Variants in KCNH1 observed in about 807,000 individuals in gnomAD.
KCNH1 encodes the protein voltage-gated delayed rectifier potassium channel KCNH1.
KCNH1 carries 27 observed loss-of-function variants against 69.2 expected under a neutral mutation model. That is an observed-to-expected ratio of 0.39 (90% CI 0.29 to 0.54). The LOEUF (loss-of-function observed/expected upper bound fraction) is 0.54, where lower values mean the gene tolerates loss of function less well. KCNH1 is among the 20% of genes least tolerant of loss of function. The probability of loss-of-function intolerance (pLI) is 0.68; values close to 1 mark genes in which losing one functional copy is unlikely to be tolerated. For synonymous variants in KCNH1, 456 were observed against 487.7 expected (o/e 0.93, Z 0.86); for missense variants, 798 against 1,261.6 (o/e 0.63, Z 5.57).
intron 7 of KCNH1, among the ~76,000 whole-genome samples, chr1:210,897,924 CTG>C (rs1686906027): frequency 2.0e-5 from 3 of 152,202 alleles, no homozygotes; most frequent in Non-Finnish European, 4.4e-5. Context: ...GCTAGGAAGA[CTG>C]TTGAGATGGC....
chr1:210,689,784 A>G (rs115852242), intron 10 of KCNH1, among the ~76,000 whole-genome samples: 2,035 of 152,310 alleles, frequency 0.013, 54 homozygotes, highest in African/African-American at 0.046. Context: ...AAATCTGGCT[A>G]CACGTCAGAA....
intron 5 of KCNH1, among the ~76,000 whole-genome samples, chr1:211,061,931 C>T (rs2102450414): frequency 6.6e-6 from 1 of 152,240 alleles, no homozygotes; most frequent in African/African-American, 2.4e-5. Context: ...TATTAAAATA[C>T]TAATGGCATG....
intron 5 of KCNH1, among the ~76,000 whole-genome samples, chr1:211,065,812 A>G (rs1199814072): frequency 6.6e-6 from 1 of 152,102 alleles, no homozygotes; most frequent in Non-Finnish European, 1.5e-5. Flanking sequence ...GTATTCCCAG[A>G]ACTTTAGGAG....
Position 211,107,153 on chromosome 1 carries a change from C to T in KCNH1, c.203+101G>A. On this transcript the variant is annotated intron_variant, in intron 2 of 10. Transcript: ENST00000271751. ...CAATAAATTTTCCTGTGAATACACACTAAATGAGGTAAAGGCAATTCCCGA... is the reference window on the plus strand; with the variant it reads ...CAATAAATTTTCCTGTGAATACACATTAAATGAGGTAAAGGCAATTCCCGA... The T allele has an allele frequency of 4.5e-6, 6 of 1,326,882 alleles. 1 individual carries two copies. The South Asian group carries it at 7.6e-5, about 17-fold the overall frequency. The allele number at this position is 1,326,882 out of a possible 1,614,324, so 82.2% of individuals were successfully genotyped here. A position where few individuals can be genotyped will look rare whatever the true frequency, so the allele number is the denominator to read the frequency against.
intron 1 of KCNH1, chr1:211,108,645 T>A (rs1691404418): frequency 6.6e-6 from 1 of 152,150 alleles, no homozygotes; most frequent in African/African-American, 2.4e-5. Flanking sequence ...AGATAAGGGT[T>A]GTGGTGAGCC....
Position 211,085,690 on chromosome 1 carries a change from G to T in KCNH1, c.440-2792C>A, listed in dbSNP as rs560822742. On this transcript the variant is annotated intron_variant, in intron 4 of 10. Coordinates refer to ENST00000271751, the MANE Select transcript of KCNH1 (RefSeq NM_172362.3). ...TGAGTTTCTGGTTTGGATGACGACT[G>T]GGGTGACAGCTAATCAATGAGATTA... Among the ~76,000 whole-genome samples, 36 of 152,288 alleles carry T rather than the reference G, an allele frequency of 2.4e-4. No individual in the cohort carries two copies. In the South Asian group the frequency reaches 7.3e-3, roughly 31 times the overall value.
At position 210,678,942 on chromosome 1, in the gene KCNH1, G is replaced by C. The variant is rs933632885; in HGVS notation, c.*4339C>G. ...AGTCTGGCACCTGCAGGGAATTCAA[G>C]TCCAGTTCTAGAGGTTCCAGAATAA... On this transcript the variant is annotated 3_prime_UTR_variant, in exon 11 of 11. Transcript: ENST00000271751. 3 of 152,336 alleles carry C rather than the reference G, an allele frequency of 2.0e-5. No homozygotes were observed. Among genetic ancestry groups the C allele is most frequent in the East Asian group, 1.9e-4 (1 of 5,188 alleles). 9.4% of individuals were successfully genotyped at this position (152,336 alleles called of 1,614,324 possible). A position where few individuals can be genotyped will look rare whatever the true frequency, so the allele number is the denominator to read the frequency against.
chr1:210,749,990 A>G (rs370745369), intron 10 of KCNH1, among the ~76,000 whole-genome samples: 1 of 152,038 alleles, frequency 6.6e-6, no homozygotes, highest in African/African-American at 2.4e-5. Context: ...TGATCTGCCC[A>G]CCTCCGTCTC....
intron 5 of KCNH1, among the ~76,000 whole-genome samples, chr1:211,047,674 AGT>A (rs561636026): frequency 3.3e-5 from 5 of 151,972 alleles, no homozygotes; most frequent in Admixed American, 2.6e-4. Context: ...GATACAAGTG[AGT>A]GTGTGTGTGT....
chr1:211,119,883 C>T (rs1691656538), intron 1 of KCNH1, among the ~76,000 whole-genome samples: 1 of 152,176 alleles, frequency 6.6e-6, no homozygotes, highest in Admixed American at 6.5e-5. Flanking sequence ...CAAAAGCAAA[C>T]TCAAATACCT....
At chr1:210,784,088 G>A (rs1478812338) in intron 9 of KCNH1, among the ~76,000 whole-genome samples, 1 of 152,210 alleles carries the variant, frequency 6.6e-6, no homozygotes, top group Non-Finnish European at 1.5e-5. Flanking sequence ...CTGTGGACCA[G>A]AAAGCAAGAA....
At chr1:210,984,102 T>A (rs1057219183) in intron 6 of KCNH1, among the ~76,000 whole-genome samples, 15 of 152,218 alleles carry the variant, frequency 9.9e-5, no homozygotes, top group African/African-American at 3.1e-4. Context: ...AGAATGCTTG[T>A]GATTTTTGCA....
At chr1:211,061,144 G>A (rs1030339273) in intron 5 of KCNH1, among the ~76,000 whole-genome samples, 3 of 152,096 alleles carry the variant, frequency 2.0e-5, no homozygotes, top group Non-Finnish European at 4.4e-5. Context: ...GGGATGCAAG[G>A]GGTTCAACAA....
At chr1:211,042,704 G>C (rs1558579806) in intron 5 of KCNH1, among the ~76,000 whole-genome samples, 1 of 152,136 alleles carries the variant, frequency 6.6e-6, no homozygotes, top group Non-Finnish European at 1.5e-5. Context: ...CTCCAAGATA[G>C]ACCATATGAT....
chr1:210,958,962 G>A (rs1444815031), intron 6 of KCNH1, among the ~76,000 whole-genome samples: 1 of 152,318 alleles, frequency 6.6e-6, no homozygotes, highest in Non-Finnish European at 1.5e-5. Flanking sequence ...TTCTGGCGAG[G>A]AGCTGCGATC....
chr1:210,815,051 T>C (rs1051736708), intron 7 of KCNH1, among the ~76,000 whole-genome samples: 1 of 152,132 alleles, frequency 6.6e-6, no homozygotes. Flanking sequence ...TCTCAGAGTG[T>C]GATGCTGGAA....
At chr1:210,701,026 C>T (rs1681761235) in intron 10 of KCNH1, among the ~76,000 whole-genome samples, 1 of 152,154 alleles carries the variant, frequency 6.6e-6, no homozygotes, top group African/African-American at 2.4e-5. Context: ...CAAGCTCCAC[C>T]TCCCGGGTTC....
At chr1:210,794,589 G>A (rs1385745962) in intron 9 of KCNH1, among the ~76,000 whole-genome samples, 2 of 152,194 alleles carry the variant, frequency 1.3e-5, no homozygotes. Context: ...AAGGGGCTAG[G>A]AAGCTGTTTG....
intron 9 of KCNH1, among the ~76,000 whole-genome samples, chr1:210,777,028 T>A (rs1217650343): frequency 6.6e-6 from 1 of 152,016 alleles, no homozygotes; most frequent in Non-Finnish European, 1.5e-5. Flanking sequence ...AAGGAAAAAA[T>A]GCTACAAAGG....
Sources: allele counts gnomAD v4.1 joint callset (sites outside exome capture counted in the v4.1 genomes callset), GRCh38; gene constraint gnomAD v4.1.1; transcripts MANE v1.5; gene names NCBI Gene and HGNC (gene_info 2026-07-23, HGNC 2026-07-21).